The following SORCS3 variants were observed in gnomAD, a reference collection of about 807,000 sequenced individuals.
SORCS3 encodes the protein sortilin related VPS10 domain containing receptor 3.
SORCS3 carries 57 observed loss-of-function variants against 146.3 expected under a neutral mutation model. That is an observed-to-expected ratio of 0.39 (90% CI 0.31 to 0.49). The LOEUF (loss-of-function observed/expected upper bound fraction) is 0.49, where lower values mean the gene tolerates loss of function less well. SORCS3 is among the 20% of genes least tolerant of loss of function. SORCS3 has a pLI of 0.92. For synonymous variants in SORCS3, 653 were observed against 618.5 expected (o/e 1.06, Z -0.83); for missense variants, 1,341 against 1,575.5 (o/e 0.85, Z 2.52).
At chr10:104,735,456 G>GGTTTTTTTTTT (rs2016757194) in intron 1 of SORCS3, among the ~76,000 whole-genome samples, 1 of 34,994 alleles carries the variant, frequency 2.9e-5, no homozygotes, top group Non-Finnish European at 4.8e-5. Context: ...CTCACCGTCT[G>GGTTTTTTTTTT]TTTTTTTTTT....
chr10:104,852,357 T>A (rs1434386086), intron 2 of SORCS3, among the ~76,000 whole-genome samples: 1 of 152,224 alleles, frequency 6.6e-6, no homozygotes, highest in African/African-American at 2.4e-5. Context: ...CTTACAGATT[T>A]GGCAACCATT....
At chr10:104,870,881 T>G (rs1589530782) in intron 2 of SORCS3, among the ~76,000 whole-genome samples, 1 of 152,326 alleles carries the variant, frequency 6.6e-6, no homozygotes, top group South Asian at 2.1e-4. Flanking sequence ...TCTGACTAGG[T>G]TGTCAACCAT....
chr10:105,084,623 A>T (rs961097515), intron 5 of SORCS3, among the ~76,000 whole-genome samples: 5 of 152,072 alleles, frequency 3.3e-5, no homozygotes, highest in Admixed American at 1.3e-4. Context: ...AGTTTGTGTT[A>T]GGTGAGGAAG....
At chr10:104,699,399 C>G (rs980059356) in intron 1 of SORCS3, among the ~76,000 whole-genome samples, 3 of 151,942 alleles carry the variant, frequency 2.0e-5, no homozygotes, top group African/African-American at 7.3e-5. Context: ...AAGTAATTGC[C>G]AAACAGCAAA....
chr10:105,063,905 T>C (rs1335681866), intron 5 of SORCS3, among the ~76,000 whole-genome samples: 1 of 152,230 alleles, frequency 6.6e-6, no homozygotes, highest in Non-Finnish European at 1.5e-5. Context: ...GCCAGTAGCC[T>C]ATGCAGCCAG....
chr10:104,823,535 C>A (rs930547528), intron 1 of SORCS3, among the ~76,000 whole-genome samples: 1 of 152,138 alleles, frequency 6.6e-6, no homozygotes, highest in East Asian at 1.9e-4. Flanking sequence ...TGGACCATTG[C>A]AGTATCCTTC....
At chr10:104,876,746 CCTTT>C (rs1446117942) in intron 2 of SORCS3, among the ~76,000 whole-genome samples, 58 of 132,756 alleles carry the variant, frequency 4.4e-4, no homozygotes, top group Middle Eastern at 3.3e-3. Flanking sequence ...TTCCTTCCTT[CCTTT>C]CTTTCTTTCT....
At chr10:104,952,989 A>G (rs1447359660) in intron 3 of SORCS3, among the ~76,000 whole-genome samples, 3 of 152,182 alleles carry the variant, frequency 2.0e-5, no homozygotes. Context: ...GAAAGCCTAA[A>G]ACATAGGCTC....
rs1016420269 is a variant in SORCS3, at chr10:104,641,444, G to T, written c.117G>T (p.Ala39=). 5 of 1,470,366 alleles carry T rather than the reference G, an allele frequency of 3.4e-6. No individual in the cohort carries two copies. The highest frequency in any genetic ancestry group is 2.9e-5 in the African/African-American group (2 of 68,142). 91.1% of individuals were successfully genotyped at this position (1,470,366 alleles called of 1,614,324 possible). A position where few individuals can be genotyped will look rare whatever the true frequency, so the allele number is the denominator to read the frequency against. ...VLAGAEITWD[A]TGGPGRPAAP... is the part of the protein sequence containing the mutation. ...CCGGCGCCGAGATCACTTGGGACGC[G>T]ACAGGCGGTCCCGGACGCCCGGCGG... is the stretch of plus-strand genomic sequence containing the variant. The change falls in exon 1 of 27, where the codon GCG becomes GCT. Residue 39 remains alanine, a synonymous_variant. Transcript: ENST00000369701. This position sits in a 1 kb window ranked among gnomAD's most constrained non-coding sequence, Gnocchi z 6.4.
At chr10:104,744,495 A>G (rs1263271386) in intron 1 of SORCS3, among the ~76,000 whole-genome samples, 1 of 152,206 alleles carries the variant, frequency 6.6e-6, no homozygotes, top group Non-Finnish European at 1.5e-5. Context: ...TATAATCCTC[A>G]CAACAATCCT....
intron 1 of SORCS3, among the ~76,000 whole-genome samples, chr10:104,719,114 A>G (rs1458853833): frequency 6.6e-6 from 1 of 152,172 alleles, no homozygotes; most frequent in African/African-American, 2.4e-5. Flanking sequence ...TTTTCATACT[A>G]AGTATTTGAA....
At chr10:104,655,662 A>G (rs185769263) in intron 1 of SORCS3, among the ~76,000 whole-genome samples, 6 of 152,316 alleles carry the variant, frequency 3.9e-5, no homozygotes, top group Non-Finnish European at 5.9e-5. Flanking sequence ...TGATTGGATC[A>G]TGGAGACAGA....
chr10:105,093,470 C>A (rs1403085177), intron 6 of SORCS3, among the ~76,000 whole-genome samples: 6 of 152,058 alleles, frequency 3.9e-5, no homozygotes, highest in Admixed American at 2.6e-4. Flanking sequence ...ACTGTTAAAA[C>A]ACTGGGAGAA....
chr10:105,238,934 GA>G (rs2056808430), intron 20 of SORCS3, among the ~76,000 whole-genome samples: 1 of 152,012 alleles, frequency 6.6e-6, no homozygotes, highest in Non-Finnish European at 1.5e-5. Context: ...AACACACAAA[GA>G]CAAAGGAATA....
intron 4 of SORCS3, among the ~76,000 whole-genome samples, chr10:104,997,673 C>T (rs116762292): frequency 1.2e-3 from 185 of 152,218 alleles, no homozygotes; most frequent in African/African-American, 4.3e-3. Context: ...ATCTGGGATT[C>T]ACAGTCGAGC....
intron 1 of SORCS3, among the ~76,000 whole-genome samples, chr10:104,696,472 G>GAATATATAATATAT (rs1325737234): frequency 6.8e-4 from 12 of 17,618 alleles, no homozygotes; most frequent in Non-Finnish European, 1.4e-3. Context: ...ATAATATATA[G>GAATATATAATATAT]AATATAGAAT....
chr10:104,839,212 G>T (rs537572434), intron 1 of SORCS3, among the ~76,000 whole-genome samples: 1 of 152,272 alleles, frequency 6.6e-6, no homozygotes, highest in East Asian at 1.9e-4. Flanking sequence ...AGTTGAGAAG[G>T]CCACTCATGT....
chr10:105,211,977 A>C (rs759457754), intron 17 of SORCS3, among the ~76,000 whole-genome samples: 4 of 152,024 alleles, frequency 2.6e-5, no homozygotes, highest in Non-Finnish European at 4.4e-5. Context: ...CCTTTCTGTG[A>C]GCTCCGATGT....
intron 1 of SORCS3, among the ~76,000 whole-genome samples, chr10:104,766,423 T>C (rs775651153): frequency 1.3e-5 from 2 of 152,238 alleles, no homozygotes; most frequent in Non-Finnish European, 2.9e-5. Flanking sequence ...CTTACCTCTG[T>C]CCAGGCACAT....
Sources: gnomAD v4.1 joint callset for allele counts (sites outside exome capture counted in the v4.1 genomes callset) on GRCh38, gnomAD v4.1.1 for gene constraint, Gnocchi (gnomAD v3.1) non-coding constraint, MANE v1.5 for transcripts, NCBI Gene and HGNC (gene_info 2026-07-23, HGNC 2026-07-21) for gene names.